PDE1C: variants seen among roughly 807,000 people sequenced by gnomAD.
The protein encoded by PDE1C is dual specificity calcium/calmodulin-dependent 3',5'-cyclic nucleotide phosphodiesterase 1C.
A neutral mutation model predicts 93.1 loss-of-function variants in PDE1C; 62 were observed. The observed-to-expected ratio is 0.67, with a 90% CI of 0.54 to 0.82. The LOEUF (loss-of-function observed/expected upper bound fraction) is 0.82, where lower values mean the gene tolerates loss of function less well. Ranked by LOEUF, PDE1C falls within the 40% of genes least tolerant of loss-of-function variation. The pLI, the probability that PDE1C is intolerant of heterozygous loss-of-function variation, is 0.00. For missense variants in PDE1C, 742 were observed against 884.6 expected, an observed-to-expected ratio of 0.84 and a Z score of 2.04; for synonymous variants, 325 against 310.1, an observed-to-expected ratio of 1.05 and a Z score of -0.50.
chr7:32,166,284 C>T (rs956772799), intron 3 of PDE1C, among the ~76,000 whole-genome samples: 2 of 152,098 alleles, frequency 1.3e-5, no homozygotes, highest in African/African-American at 4.8e-5. Flanking sequence ...AAACCCAGTA[C>T]AACCACTATC....
At chr7:32,228,986 A>T (rs1200982137) in intron 1 of PDE1C, among the ~76,000 whole-genome samples, 1 of 152,162 alleles carries the variant, frequency 6.6e-6, no homozygotes, top group Non-Finnish European at 1.5e-5. Context: ...ACCTCCTGAG[A>T]CAGCAGCAGA....
chr7:32,063,218 TAA>T, intron 1 of PDE1C, among the ~76,000 whole-genome samples: 1 of 152,368 alleles, frequency 6.6e-6, no homozygotes, highest in Non-Finnish European at 1.5e-5. Flanking sequence ...TTATATTTGT[TAA>T]GTTGGTGCAA....
chr7:31,638,513 AT>A, the PDE1C span, among the ~76,000 whole-genome samples: 4 of 151,980 alleles, frequency 2.6e-5, no homozygotes, highest in African/African-American at 9.7e-5. Flanking sequence ...GACATTGTTA[AT>A]TTTTTTTGTT....
intron 2 of PDE1C, among the ~76,000 whole-genome samples, chr7:31,906,263 T>A (rs1198316853): frequency 6.6e-6 from 1 of 152,198 alleles, no homozygotes; most frequent in Non-Finnish European, 1.5e-5. Context: ...TATTCTTACA[T>A]CATGCTTCTA....
intron 1 of PDE1C, among the ~76,000 whole-genome samples, chr7:32,339,529 A>T (rs1023383020): frequency 4.6e-5 from 7 of 152,106 alleles, no homozygotes; most frequent in African/African-American, 1.7e-4. Flanking sequence ...CACAGTTTTA[A>T]TTTTTTTTAA....
intron 2 of PDE1C, among the ~76,000 whole-genome samples, chr7:31,912,903 G>C (rs1363166498): frequency 1.3e-5 from 2 of 151,968 alleles, no homozygotes; most frequent in Admixed American, 6.6e-5. Flanking sequence ...TCATATATTA[G>C]TACTCAATGT....
At chr7:32,008,773 C>T (rs961246380) in intron 2 of PDE1C, among the ~76,000 whole-genome samples, 2 of 152,116 alleles carry the variant, frequency 1.3e-5, no homozygotes, top group African/African-American at 2.4e-5. Context: ...ACAACATATG[C>T]TTTGCCATGT....
At chr7:31,896,386 C>T (rs532432194) in intron 2 of PDE1C, among the ~76,000 whole-genome samples, 7 of 152,322 alleles carry the variant, frequency 4.6e-5, no homozygotes, top group African/African-American at 1.7e-4. Context: ...AAGATTCCTA[C>T]TCTCGGACTT....
intron 1 of PDE1C, among the ~76,000 whole-genome samples, chr7:32,259,297 C>A (rs546093539): frequency 2.0e-5 from 3 of 152,282 alleles, no homozygotes; most frequent in South Asian, 4.1e-4. Context: ...TCTCTAGCTT[C>A]TTTTCTTCCT....
In PDE1C at chr7:32,403,505, A is replaced by G. The variant is rs534723954; in HGVS notation, c.310+24317T>C. On this transcript the variant is annotated intron_variant, in intron 1 of 1. Transcript: ENST00000672256. Reference sequence around the variant, plus strand: ...TTAAGGCTTGAAGACACAAGGAAGAAGTCATGTCATCAATGTAAACTAGCA... The same window carrying G: ...TTAAGGCTTGAAGACACAAGGAAGAGGTCATGTCATCAATGTAAACTAGCA... Among the ~76,000 whole-genome samples, 3 of 152,332 alleles carry G rather than the reference A, an allele frequency of 2.0e-5. No homozygotes were observed. The East Asian group carries it at 5.8e-4, about 29-fold the overall frequency.
At chr7:31,775,110 G>T (rs899848669) in intron 17 of PDE1C, among the ~76,000 whole-genome samples, 1 of 152,188 alleles carries the variant, frequency 6.6e-6, no homozygotes, top group Non-Finnish European at 1.5e-5. Flanking sequence ...GCCAGTACAT[G>T]TGAGATTGGG....
chr7:31,979,697 G>T (rs558836754), intron 2 of PDE1C, among the ~76,000 whole-genome samples: 4 of 152,144 alleles, frequency 2.6e-5, no homozygotes, highest in Non-Finnish European at 5.9e-5. Context: ...AACATTTGCA[G>T]GTTTTGCTTT....
intron 1 of PDE1C, among the ~76,000 whole-genome samples, chr7:32,374,878 A>G (rs1784408637): frequency 6.6e-6 from 1 of 152,196 alleles, no homozygotes. Context: ...TTTTACATCA[A>G]TGGTGCCCAG....
chr7:32,054,039 A>G (rs30586), intron 1 of PDE1C, among the ~76,000 whole-genome samples: 138,171 of 151,740 alleles, frequency 0.91, 63,050 homozygotes, highest in Middle Eastern at 0.96. Context: ...AGGGACTATA[A>G]AGTGAGGTAG....
chr7:31,795,961 C>A (rs1584125939), intron 16 of PDE1C, among the ~76,000 whole-genome samples: 1 of 151,316 alleles, frequency 6.6e-6, no homozygotes, highest in East Asian at 1.9e-4. Flanking sequence ...AATGTTTAAT[C>A]GAAAAAACCT....
the PDE1C span, among the ~76,000 whole-genome samples, chr7:31,712,738 G>A: frequency 6.6e-6 from 1 of 152,184 alleles, no homozygotes; most frequent in Admixed American, 6.5e-5. Flanking sequence ...GGCTGGGGAG[G>A]CCTCACAATC....
At chr7:32,227,762 G>A (rs1221267401) in intron 1 of PDE1C, among the ~76,000 whole-genome samples, 1 of 152,112 alleles carries the variant, frequency 6.6e-6, no homozygotes, top group African/African-American at 2.4e-5. Context: ...AATGTCCAAG[G>A]CTCATAAGAA....
At chr7:31,913,628 C>G (rs4723110) in intron 2 of PDE1C, among the ~76,000 whole-genome samples, 127,199 of 152,172 alleles carry the variant, frequency 0.84, 53,488 homozygotes, top group Admixed American at 0.88. Context: ...GTGATTTCAT[C>G]ATTTAAGGCA....
At chr7:32,053,009 T>G (rs892546717) in intron 1 of PDE1C, among the ~76,000 whole-genome samples, 1 of 152,292 alleles carries the variant, frequency 6.6e-6, no homozygotes, top group East Asian at 1.9e-4. Context: ...TAGGACTATA[T>G]AGAGATATTT....
Sources: gnomAD v4.1 joint callset for allele counts (sites outside exome capture counted in the v4.1 genomes callset) on GRCh38, gnomAD v4.1.1 for gene constraint, MANE v1.5 for transcripts, NCBI Gene and HGNC (gene_info 2026-07-23, HGNC 2026-07-21) for gene names.